Variants in ADAM32 observed in about 807,000 individuals in gnomAD.
ADAM32 encodes ADAM metallopeptidase domain 32, also known as disintegrin and metalloproteinase domain-containing protein 32.
ADAM32 carries 89 observed loss-of-function variants against 114.9 expected under a neutral mutation model. The observed-to-expected ratio is 0.77, with a 90% confidence interval of 0.65 to 0.92. ADAM32 has a LOEUF of 0.92. Ranked by LOEUF, ADAM32 falls within the 40% of genes least tolerant of loss-of-function variation. The pLI is 0.00. For missense variants in ADAM32, 870 were observed against 932.8 expected (o/e 0.93, Z 0.88); for synonymous variants, 285 against 307.5 (o/e 0.93, Z 0.77).
chr8:39,150,172 A>G (rs184128897), intron 5 of ADAM32, among the ~76,000 whole-genome samples: 13 of 152,294 alleles, frequency 8.5e-5, no homozygotes, highest in Non-Finnish European at 1.5e-4. Flanking sequence ...AGCTAAGTTT[A>G]GGACAGCTCA....
At chr8:39,253,283 A>T (rs1811421333) in intron 17 of ADAM32, among the ~76,000 whole-genome samples, 2 of 151,640 alleles carry the variant, frequency 1.3e-5, no homozygotes, top group African/African-American at 4.8e-5. Context: ...TAGGAATAGC[A>T]GAAAGCCTAC....
At chr8:39,126,130 G>T (rs1802102263) in intron 2 of ADAM32, among the ~76,000 whole-genome samples, 1 of 151,944 alleles carries the variant, frequency 6.6e-6, no homozygotes, top group Non-Finnish European at 1.5e-5. Context: ...TCGAGTTCGG[G>T]TCTTGGCTAT....
At chr8:39,119,976 A>G (rs1227267795) in intron 2 of ADAM32, among the ~76,000 whole-genome samples, 1 of 152,216 alleles carries the variant, frequency 6.6e-6, no homozygotes, top group Non-Finnish European at 1.5e-5. Context: ...GAGGAAATAT[A>G]CTAGGGGTTC....
intron 23 of ADAM32, among the ~76,000 whole-genome samples, chr8:39,281,533 T>A (rs1813417147): frequency 1.3e-5 from 2 of 152,344 alleles, no homozygotes; most frequent in Admixed American, 1.3e-4. Context: ...CTTTTTCAGG[T>A]TGCATTTACA....
At chr8:39,171,615 G>C (rs146884750) in intron 10 of ADAM32, among the ~76,000 whole-genome samples, 12 of 152,074 alleles carry the variant, frequency 7.9e-5, no homozygotes, top group Non-Finnish European at 1.5e-4. Flanking sequence ...TAGTAAAACT[G>C]TCTACCTCTT....
rs1404521021 is a variant in ADAM32, at chr8:39,188,723, G to A, written c.1052+1678G>A. Among the ~76,000 whole-genome samples the A allele has an allele frequency of 3.9e-5, 6 of 152,068 alleles. No homozygotes were observed. The East Asian group carries it at 1.2e-3, about 29-fold the overall frequency. On this transcript the variant is annotated intron_variant, in intron 11 of 24. Transcript: ENST00000379907. ...CAGATGGCTAGTTTGTGGCAGACTTGGGTTTTGAGCCTGTATTAGTAAACC... is the reference window on the plus strand; with the variant it reads ...CAGATGGCTAGTTTGTGGCAGACTTAGGTTTTGAGCCTGTATTAGTAAACC...
At chr8:39,235,363 T>C (rs1256461128) in intron 16 of ADAM32, among the ~76,000 whole-genome samples, 1 of 152,158 alleles carries the variant, frequency 6.6e-6, no homozygotes, top group Non-Finnish European at 1.5e-5. Flanking sequence ...TTAGTGGTTT[T>C]ATAGTATAAA....
At chr8:39,155,449 G>T (rs546662896) in intron 6 of ADAM32, among the ~76,000 whole-genome samples, 2 of 152,364 alleles carry the variant, frequency 1.3e-5, no homozygotes, top group East Asian at 3.9e-4. Context: ...GACATTGAGA[G>T]AGGCCAAACA....
intron 18 of ADAM32, 65 bp downstream of exon 18, chr8:39,254,581 C>A: frequency 7.7e-7 from 1 of 1,293,212 alleles, no homozygotes; most frequent in South Asian, 1.5e-5. Flanking sequence ...TTCACTAAAA[C>A]AAAGTTCGAT....
chr8:39,259,589 G>A (rs1183790897), intron 19 of ADAM32, among the ~76,000 whole-genome samples: 1 of 152,026 alleles, frequency 6.6e-6, no homozygotes, highest in African/African-American at 2.4e-5. Context: ...AAGGACTTCA[G>A]TCATTTAACT....
intron 7 of ADAM32, among the ~76,000 whole-genome samples, chr8:39,164,013 T>G (rs1585433309): frequency 1.3e-5 from 2 of 152,184 alleles, no homozygotes. Context: ...CATTTGTGTG[T>G]GTGCATTTAT....
intron 11 of ADAM32, among the ~76,000 whole-genome samples, chr8:39,192,361 G>T (rs1476357737): frequency 1.3e-5 from 2 of 152,002 alleles, no homozygotes; most frequent in Non-Finnish European, 2.9e-5. Context: ...TTCTCCATTT[G>T]CTTGGTAGAT....
intron 4 of ADAM32, among the ~76,000 whole-genome samples, chr8:39,147,791 T>A (rs974485699): frequency 1.3e-5 from 2 of 152,132 alleles, no homozygotes; most frequent in African/African-American, 4.8e-5. Flanking sequence ...TTCATTTATT[T>A]TTGTTTTTAT....
At chr8:39,127,097 T>G (rs545328645) in intron 2 of ADAM32, among the ~76,000 whole-genome samples, 1 of 152,156 alleles carries the variant, frequency 6.6e-6, no homozygotes, top group East Asian at 1.9e-4. Context: ...ATTTTTGCAC[T>G]GATTTTCATC....
At chr8:39,235,770 T>C (rs573998027) in intron 16 of ADAM32, among the ~76,000 whole-genome samples, 2 of 152,284 alleles carry the variant, frequency 1.3e-5, no homozygotes, top group Non-Finnish European at 2.9e-5. Context: ...CAGTAGATAC[T>C]ATATTCCAAA....
chr8:39,173,814 T>C (rs1405866452), intron 10 of ADAM32, among the ~76,000 whole-genome samples: 2 of 152,232 alleles, frequency 1.3e-5, no homozygotes, highest in Non-Finnish European at 2.9e-5. Context: ...TTTCAGTTTT[T>C]AATCCATATT....
intron 11 of ADAM32, among the ~76,000 whole-genome samples, chr8:39,189,083 CTA>C (rs1806435541): frequency 6.6e-6 from 1 of 151,976 alleles, no homozygotes; most frequent in Non-Finnish European, 1.5e-5. Context: ...TACTGTGTAC[CTA>C]TTAAAAGCCA....
intron 11 of ADAM32, among the ~76,000 whole-genome samples, chr8:39,190,963 G>A (rs1056988607): frequency 2.6e-5 from 4 of 152,048 alleles, no homozygotes; most frequent in African/African-American, 9.7e-5. Flanking sequence ...TCCTCTGTAT[G>A]TGTCTATGTG....
intron 15 of ADAM32, among the ~76,000 whole-genome samples, chr8:39,232,749 C>T (rs1397889359): frequency 6.6e-6 from 1 of 152,160 alleles, no homozygotes; most frequent in Non-Finnish European, 1.5e-5. Flanking sequence ...CAGATGGTGT[C>T]TCCTCTATGA....
Sources: gnomAD v4.1 joint callset for allele counts (sites outside exome capture counted in the v4.1 genomes callset) on GRCh38, gnomAD v4.1.1 for gene constraint, MANE v1.5 for transcripts, NCBI Gene and HGNC (gene_info 2026-07-23, HGNC 2026-07-21) for gene names.